The following WDFY3 variants were observed in gnomAD, a reference collection of about 807,000 sequenced individuals.
The protein encoded by WDFY3 is WD repeat and FYVE domain containing 3.
Under a neutral mutation model 409.6 loss-of-function variants are expected in WDFY3, and 66 were observed. That is an observed-to-expected ratio of 0.16 (90% CI 0.13 to 0.20). The LOEUF is 0.20. Ranked by LOEUF, WDFY3 falls within the 10% of genes least tolerant of loss-of-function variation. The pLI, the probability that WDFY3 is intolerant of heterozygous loss-of-function variation, is 1.00. For missense variants in WDFY3, 3,031 were observed against 4,298.1 expected, an observed-to-expected ratio of 0.71 and a Z score of 8.24; for synonymous variants, 1,521 against 1,537.1, an observed-to-expected ratio of 0.99 and a Z score of 0.25.
intron 11 of WDFY3, among the ~76,000 whole-genome samples, 171 bp from the exon 12 acceptor site, chr4:84,820,357 G>A (rs1325755063): frequency 6.6e-6 from 1 of 152,000 alleles, no homozygotes; most frequent in Non-Finnish European, 1.5e-5. Flanking sequence ...GGCAAAAGTA[G>A]GCTCAAAATC....
intron 13 of WDFY3, among the ~76,000 whole-genome samples, chr4:84,810,761 G>A (rs570729534): frequency 1.2e-4 from 19 of 152,278 alleles, no homozygotes; most frequent in Non-Finnish European, 1.9e-4. Flanking sequence ...GAGATGGTCA[G>A]AGCAGCCAAG....
chr4:84,878,405 T>G (rs980045247), intron 3 of WDFY3, among the ~76,000 whole-genome samples: 9 of 152,170 alleles, frequency 5.9e-5, no homozygotes, highest in African/African-American at 2.2e-4. Context: ...AGAATTACAC[T>G]GGTAAAACCT....
intron 14 of WDFY3, 87 bp downstream of exon 14, chr4:84,809,800 T>C (rs1274604261): frequency 1.6e-6 from 2 of 1,218,308 alleles, no homozygotes; most frequent in South Asian, 3.1e-5. Context: ...TTTCATATTC[T>C]TTTGGATTAA....
intron 24 of WDFY3, 46 bp downstream of exon 24, chr4:84,785,933 C>A (rs757057844): frequency 6.2e-7 from 1 of 1,601,292 alleles, no homozygotes; most frequent in Non-Finnish European, 8.5e-7. Context: ...GAGACATGTT[C>A]CCAGTGAGAA....
At position 84,670,764 on chromosome 4, in the gene WDFY3, A is replaced by C. The variant is rs1725327854; in HGVS notation, c.*2104T>G. On this transcript the variant is annotated 3_prime_UTR_variant, in exon 68 of 68. Transcript: ENST00000295888. ...AAAAAGTGTAGAATAACACTGCTAC[A>C]AATCATCTAGAGGGCCAGACAGGGG... is the stretch of plus-strand genomic sequence containing the variant. 6.6e-6 allele frequency: 1 copy of C among 152,652 alleles called. No homozygotes were observed. The highest frequency in any genetic ancestry group is 2.4e-5 in the African/African-American group (1 of 41,460). 9.5% of individuals were successfully genotyped at this position (152,652 alleles called of 1,614,324 possible).
Position 84,740,337 on chromosome 4 carries a change from C to A in WDFY3, c.6314G>T (p.Arg2105Leu). The change falls in exon 39 of 68, where the codon CGG (arginine) becomes CTG (leucine). Residue 2105 changes from arginine (R) to leucine (L), a missense_variant. Around this residue, in one of 16 missense-constraint regions of WDFY3, gnomAD observed 314 missense variants for 397.4 expected, o/e 0.79. Coordinates refer to ENST00000295888, the MANE Select transcript of WDFY3 (RefSeq NM_014991.6). ...LNRTILYQFSRAHKTVPQQVA... is the reference protein window; with the variant it reads ...LNRTILYQFSLAHKTVPQQVA... ...TTGCTGAGGAACGGTTTTGTGTGCCCGTGAGAACTGGTACAAGATGGTCCT... is the reference window on the plus strand; with the variant it reads ...TTGCTGAGGAACGGTTTTGTGTGCCAGTGAGAACTGGTACAAGATGGTCCT... The A allele has an allele frequency of 6.2e-7, 1 of 1,613,968 alleles. No individual in the cohort carries two copies. Among genetic ancestry groups the A allele is most frequent in the Non-Finnish European group, 8.5e-7 (1 of 1,179,986 alleles).
chr4:84,921,275 G>C (rs940512624), intron 2 of WDFY3, among the ~76,000 whole-genome samples: 1 of 151,798 alleles, frequency 6.6e-6, no homozygotes, highest in Non-Finnish European at 1.5e-5. Context: ...AAGAACCCTG[G>C]AAGAAGGAAA....
intron 10 of WDFY3, among the ~76,000 whole-genome samples, chr4:84,822,136 A>G (rs1754159882): frequency 6.6e-6 from 1 of 152,194 alleles, no homozygotes. Context: ...CCAGCTATTC[A>G]AACGTACCAA....
At chr4:84,675,427 C>T (rs1221939308) in intron 67 of WDFY3, among the ~76,000 whole-genome samples, 2 of 152,158 alleles carry the variant, frequency 1.3e-5, no homozygotes, top group East Asian at 3.9e-4. Flanking sequence ...TGATGGAACA[C>T]CTGTTTTGCC....
chr4:84,958,143 A>G (rs1774473654), intron 1 of WDFY3, among the ~76,000 whole-genome samples: 1 of 152,210 alleles, frequency 6.6e-6, no homozygotes, highest in African/African-American at 2.4e-5. Context: ...GGGTTCATTT[A>G]ACCCATGGGT....
intron 10 of WDFY3, 34 bp from the exon 11 acceptor site, chr4:84,821,585 C>T (rs1754068751): frequency 4.5e-6 from 7 of 1,543,962 alleles, no homozygotes; most frequent in Middle Eastern, 1.8e-4. Flanking sequence ...AAAGTAGGTA[C>T]TATGTGATAT....
At chr4:84,737,461 G>A in intron 40 of WDFY3, 95 bp from the exon 41 acceptor site, 2 of 1,331,432 alleles carry the variant, frequency 1.5e-6, no homozygotes, top group South Asian at 3.4e-5. Context: ...TTACATGTGG[G>A]AATTTCGACT....
At chr4:84,931,322 A>G (rs903193858) in intron 2 of WDFY3, among the ~76,000 whole-genome samples, 1 of 152,210 alleles carries the variant, frequency 6.6e-6, no homozygotes, top group Non-Finnish European at 1.5e-5. Flanking sequence ...CTAAGCCACA[A>G]TTTGTCTAAA....
intron 12 of WDFY3, among the ~76,000 whole-genome samples, chr4:84,819,806 A>C (rs1165673891): frequency 6.6e-6 from 1 of 152,144 alleles, no homozygotes; most frequent in Non-Finnish European, 1.5e-5. Flanking sequence ...TATTTGAGTA[A>C]GAGTGTATCA....
At chr4:84,691,896 A>G in intron 59 of WDFY3, 111 bp from the exon 60 acceptor site, 6 of 1,054,776 alleles carry the variant, frequency 5.7e-6, no homozygotes, top group Non-Finnish European at 7.9e-6. Context: ...CCTGATACCT[A>G]CGTTGAGAAA....
intron 37 of WDFY3, among the ~76,000 whole-genome samples, chr4:84,743,473 A>G (rs1487651819): frequency 6.6e-6 from 1 of 152,180 alleles, no homozygotes; most frequent in Non-Finnish European, 1.5e-5. Flanking sequence ...AAACTTTCAT[A>G]TATCTGTCAA....
At chr4:84,800,550 A>C (rs1031159987) in intron 17 of WDFY3, among the ~76,000 whole-genome samples, 6 of 152,250 alleles carry the variant, frequency 3.9e-5, no homozygotes, top group Non-Finnish European at 8.8e-5. Flanking sequence ...ACTTGTGTGC[A>C]GCTCAAGAGC....
At chr4:84,908,744 T>C (rs1767374074) in intron 2 of WDFY3, among the ~76,000 whole-genome samples, 1 of 152,154 alleles carries the variant, frequency 6.6e-6, no homozygotes, top group South Asian at 2.1e-4. Context: ...TCCTTGAATA[T>C]CTAAGTCAGA....
intron 38 of WDFY3, among the ~76,000 whole-genome samples, chr4:84,741,035 A>G (rs1194262118): frequency 6.6e-6 from 1 of 152,240 alleles, no homozygotes; most frequent in Non-Finnish European, 1.5e-5. Context: ...TACTGTGAAC[A>G]TGCACAAAAA....
Sources: allele counts gnomAD v4.1 joint callset (sites outside exome capture counted in the v4.1 genomes callset), GRCh38; gene constraint gnomAD v4.1.1; regional missense constraint gnomAD v4.1.1; transcripts MANE v1.5; gene names NCBI Gene and HGNC (gene_info 2026-07-23, HGNC 2026-07-21).